The following SLC13A1 variants were observed in gnomAD, a reference collection of about 807,000 sequenced individuals.
SLC13A1 encodes the protein Na(+)/sulfate cotransporter.
SLC13A1 carries 65 observed loss-of-function variants against 70.0 expected under a neutral mutation model. That is an observed-to-expected ratio of 0.93 (90% CI 0.76 to 1.14). The LOEUF is 1.14. Among genes scored for constraint, SLC13A1 ranks in the 50% most tolerant of loss-of-function variants. The pLI is 0.00. For missense variants in SLC13A1, 726 were observed against 717.8 expected, an observed-to-expected ratio of 1.01 and a Z score of -0.13; for synonymous variants, 275 against 250.5, an observed-to-expected ratio of 1.10 and a Z score of -0.92.
At chr7:123,117,384 T>C in intron 14 of SLC13A1, 87 bp downstream of exon 14, 2 of 1,292,330 alleles carry the variant, frequency 1.5e-6, no homozygotes, top group Admixed American at 1.9e-5. Flanking sequence ...TGGTGGTTGA[T>C]TGGTGTATAA....
intron 1 of SLC13A1, among the ~76,000 whole-genome samples, chr7:123,192,182 G>A (rs926735006): frequency 2.0e-5 from 3 of 152,102 alleles, no homozygotes; most frequent in African/African-American, 7.2e-5. Flanking sequence ...ATGTCCACCT[G>A]CATAGGTGAA....
chr7:123,153,857 C>T (rs1794636425), intron 6 of SLC13A1, among the ~76,000 whole-genome samples: 1 of 151,706 alleles, frequency 6.6e-6, no homozygotes, highest in African/African-American at 2.4e-5. Flanking sequence ...TACACATGTG[C>T]CTGAAATGAA....
At chr7:123,145,998 A>G (rs566613381) in intron 7 of SLC13A1, among the ~76,000 whole-genome samples, 13 of 152,102 alleles carry the variant, frequency 8.5e-5, no homozygotes, top group East Asian at 3.9e-4. Context: ...GGCTTTCTCA[A>G]TTGTGTCTGT....
At position 123,187,349 on chromosome 7, in the gene SLC13A1, T is replaced by C. The variant is rs544313547; in HGVS notation, c.100-6248A>G. Among the ~76,000 whole-genome samples, 32 of 152,350 alleles carry C rather than the reference T, an allele frequency of 2.1e-4. No individual in the cohort carries two copies. In the South Asian group the frequency reaches 6.0e-3, roughly 29 times the overall value. ...AGAAGCTTTTTAGCAGTGTATTCTT[T>C]AGAAGCATTTTCAAAATTATAAAAT... On this transcript the variant is annotated intron_variant, in intron 1 of 14. Coordinates refer to ENST00000194130, the MANE Select transcript of SLC13A1 (RefSeq NM_022444.4).
chr7:123,148,422 T>C (rs1249801195), intron 6 of SLC13A1: 4 of 447,166 alleles, frequency 8.9e-6, no homozygotes, highest in Non-Finnish European at 1.8e-5. Flanking sequence ...CAATGGCACA[T>C]CCTGAAATGG....
intron 6 of SLC13A1, among the ~76,000 whole-genome samples, chr7:123,166,543 C>G (rs182731114): frequency 6.6e-6 from 1 of 152,004 alleles, no homozygotes. Context: ...ATCCGTCCCC[C>G]CTTCCCCCAC....
At chr7:123,136,620 C>G (rs1793957015) in intron 7 of SLC13A1, among the ~76,000 whole-genome samples, 2 of 152,136 alleles carry the variant, frequency 1.3e-5, no homozygotes, top group African/African-American at 4.8e-5. Flanking sequence ...TACCAAGTGC[C>G]AGGTGCTCTC....
intron 7 of SLC13A1, among the ~76,000 whole-genome samples, chr7:123,144,628 C>T (rs2116400398): frequency 6.6e-6 from 1 of 152,196 alleles, no homozygotes; most frequent in Admixed American, 6.5e-5. Context: ...ACATATATTA[C>T]AAAACATCCG....
intron 4 of SLC13A1, among the ~76,000 whole-genome samples, chr7:123,168,834 G>T (rs1289653408): frequency 6.6e-6 from 1 of 152,176 alleles, no homozygotes; most frequent in African/African-American, 2.4e-5. Flanking sequence ...CCAATATTAT[G>T]CAGGAAAGCC....
In SLC13A1 at chr7:123,169,255, G is replaced by A. The variant is rs1795181078; in HGVS notation, c.446C>T (p.Pro149Leu). 6.2e-7 allele frequency: 1 copy of A among 1,613,896 alleles called. No individual in the cohort carries two copies. The highest frequency in any genetic ancestry group is 1.7e-5 in the Admixed American group (1 of 59,986). ...CTGCTGCACTACAGCCTCCGCAATGGGCATCACCATGGCAGCCGTCGAGGT... is the reference window on the plus strand; with the variant it reads ...CTGCTGCACTACAGCCTCCGCAATGAGCATCACCATGGCAGCCGTCGAGGT... ...SNTSTAAMVM[P>L]IAEAVVQQII... is the part of the protein sequence containing the mutation. The change falls in exon 4 of 15, where the codon CCC becomes CTC. Residue 149 changes from proline to leucine, a missense_variant. Transcript: ENST00000194130.
chr7:123,115,575 A>G lies in SLC13A1; in HGVS notation c.1731T>C (p.Phe577=), dbSNP rs1490837963. 1 of 1,613,936 alleles carries G rather than the reference A, an allele frequency of 6.2e-7. No individual in the cohort carries two copies. Among genetic ancestry groups the G allele is most frequent in the Non-Finnish European group, 8.5e-7 (1 of 1,179,858 alleles). Reference sequence around the variant, plus strand: ...CCCACGAAGGGTAAGTGTAGAGGTCAAACATGGGTACAATCCAAGTACATA... The same window carrying G: ...CCCACGAAGGGTAAGTGTAGAGGTCGAACATGGGTACAATCCAAGTACATA... The part of the protein sequence containing the change: ...LGICTWIVPM[F]DLYTYPSWAP... The change falls in exon 15 of 15, where the codon TTT becomes TTC. Residue 577 remains phenylalanine, a synonymous_variant. Coordinates refer to ENST00000194130, the MANE Select transcript of SLC13A1 (RefSeq NM_022444.4).
chr7:123,183,103 C>T (rs1795691496), intron 1 of SLC13A1, among the ~76,000 whole-genome samples: 1 of 152,082 alleles, frequency 6.6e-6, no homozygotes, highest in South Asian at 2.1e-4. Context: ...CAACAAGCCC[C>T]CAGATCCTTT....
intron 1 of SLC13A1, among the ~76,000 whole-genome samples, chr7:123,193,805 C>T (rs1274651707): frequency 2.0e-5 from 3 of 152,046 alleles, no homozygotes; most frequent in African/African-American, 7.2e-5. Context: ...ACTATTGTTA[C>T]CAAACAAGGT....
intron 7 of SLC13A1, among the ~76,000 whole-genome samples, chr7:123,140,116 AT>A (rs2116373038): frequency 6.6e-6 from 1 of 151,972 alleles, no homozygotes; most frequent in South Asian, 2.1e-4. Context: ...TTCTTTACAA[AT>A]TTTTTGAGGG....
intron 11 of SLC13A1, among the ~76,000 whole-genome samples, chr7:123,124,342 A>C (rs1262368990): frequency 6.6e-6 from 1 of 152,164 alleles, no homozygotes; most frequent in Admixed American, 6.6e-5. Flanking sequence ...ATAGGAATCA[A>C]TGCTCCATAT....
chr7:123,183,411 T>A (rs1342377023), intron 1 of SLC13A1, among the ~76,000 whole-genome samples: 1 of 152,162 alleles, frequency 6.6e-6, no homozygotes, highest in Non-Finnish European at 1.5e-5. Flanking sequence ...AGAGATTGAC[T>A]TGTATTTTTT....
At chr7:123,145,914 T>C (rs185351226) in intron 7 of SLC13A1, among the ~76,000 whole-genome samples, 9 of 152,308 alleles carry the variant, frequency 5.9e-5, no homozygotes, top group Middle Eastern at 3.4e-3. Flanking sequence ...ATAGAGTCTA[T>C]GAATCTACTT....
At chr7:123,132,473 G>C (rs925355968) in intron 8 of SLC13A1, among the ~76,000 whole-genome samples, 1 of 152,126 alleles carries the variant, frequency 6.6e-6, no homozygotes, top group African/African-American at 2.4e-5. Context: ...CCAGGTTCAA[G>C]TGATTCTCCT....
chr7:123,199,540 A>C (rs971840019), intron 1 of SLC13A1, among the ~76,000 whole-genome samples: 1 of 152,096 alleles, frequency 6.6e-6, no homozygotes, highest in Non-Finnish European at 1.5e-5. Context: ...CTGGAGAATG[A>C]CAACTTGAAC....
Sources: allele counts gnomAD v4.1 joint callset (sites outside exome capture counted in the v4.1 genomes callset), GRCh38; gene constraint gnomAD v4.1.1; transcripts MANE v1.5; gene names NCBI Gene and HGNC (gene_info 2026-07-23, HGNC 2026-07-21).